Variants in ZNF385D observed in about 807,000 individuals in gnomAD.
ZNF385D encodes zinc finger protein 659.
In ZNF385D, 15 loss-of-function variants were observed where a neutral mutation model predicts 35.8. The observed-to-expected ratio is 0.42, with a 90% CI of 0.28 to 0.64. The LOEUF (loss-of-function observed/expected upper bound fraction) is 0.64, where lower values mean the gene tolerates loss of function less well. ZNF385D is among the 30% of genes least tolerant of loss of function. ZNF385D has a pLI of 0.23. For missense variants in ZNF385D, 474 were observed against 494.6 expected (o/e 0.96, Z 0.39); for synonymous variants, 212 against 186.8 (o/e 1.13, Z -1.10).
At chr3:22,259,830 GT>G (rs1377499239) in intron 2 of ZNF385D, among the ~76,000 whole-genome samples, 1 of 147,094 alleles carries the variant, frequency 6.8e-6, no homozygotes, top group African/African-American at 2.6e-5. Context: ...TGCCAACATA[GT>G]GAGGAAAAAA....
intron 1 of ZNF385D, among the ~76,000 whole-genome samples, chr3:21,742,580 AG>A (rs1380256390): frequency 2.0e-5 from 3 of 152,130 alleles, no homozygotes; most frequent in African/African-American, 7.2e-5. Context: ...GAGCGGCAGA[AG>A]GCAATGGATT....
chr3:21,823,324 A>G (rs562550233), intron 3 of ZNF385D, among the ~76,000 whole-genome samples: 31 of 152,248 alleles, frequency 2.0e-4, no homozygotes, highest in South Asian at 1.0e-3. Flanking sequence ...CCAAATCTTC[A>G]CTATGATAAT....
intron 2 of ZNF385D, among the ~76,000 whole-genome samples, chr3:21,634,362 A>T (rs973829590): frequency 4.1e-5 from 6 of 145,746 alleles, no homozygotes; most frequent in African/African-American, 1.5e-4. Flanking sequence ...AAAAGAAAAA[A>T]AGAAAGGAAG....
chr3:21,648,011 T>G (rs1345451577), intron 2 of ZNF385D, among the ~76,000 whole-genome samples: 1 of 152,190 alleles, frequency 6.6e-6, no homozygotes, highest in Non-Finnish European at 1.5e-5. Context: ...TTTAATCTCA[T>G]TTATGAGGAT....
chr3:21,758,063 T>G (rs1267078480), intron 3 of ZNF385D, among the ~76,000 whole-genome samples: 1 of 152,224 alleles, frequency 6.6e-6, no homozygotes, highest in Non-Finnish European at 1.5e-5. Flanking sequence ...ACTACCTGAA[T>G]CTCAGATACT....
chr3:22,160,252 G>C (rs1361027479), intron 3 of ZNF385D, among the ~76,000 whole-genome samples: 1 of 151,984 alleles, frequency 6.6e-6, no homozygotes, highest in Non-Finnish European at 1.5e-5. Context: ...TATAGATAAG[G>C]TATCATTAAG....
chr3:21,445,306 C>A (rs148483974), intron 4 of ZNF385D, among the ~76,000 whole-genome samples: 1 of 152,168 alleles, frequency 6.6e-6, no homozygotes, highest in Non-Finnish European at 1.5e-5. Flanking sequence ...GTATTAGGGA[C>A]ATGACTAAAC....
intron 2 of ZNF385D, among the ~76,000 whole-genome samples, chr3:21,622,588 G>A (rs1344357166): frequency 1.3e-5 from 2 of 152,094 alleles, no homozygotes; most frequent in African/African-American, 4.8e-5. Flanking sequence ...GTTCTGAGAT[G>A]TTAAAGGCTT....
intron 4 of ZNF385D, among the ~76,000 whole-genome samples, chr3:21,455,564 A>T (rs1030346327): frequency 7.2e-5 from 11 of 152,240 alleles, no homozygotes; most frequent in Non-Finnish European, 8.8e-5. Flanking sequence ...TCCCTTCCTT[A>T]CACCTTTTAC....
intron 2 of ZNF385D, among the ~76,000 whole-genome samples, chr3:21,645,216 A>T (rs1001853669): frequency 6.6e-6 from 1 of 152,212 alleles, no homozygotes. Flanking sequence ...TCAAATTCAC[A>T]CTAATCAGTT....
rs754556902 is a variant in ZNF385D at position 21,437,149 on chromosome 3, T to C, written c.494A>G (p.Lys165Arg). The C allele has an allele frequency of 1.9e-6, 3 of 1,613,850 alleles. No homozygotes were observed. Among genetic ancestry groups the C allele is most frequent in the African/African-American group, 2.7e-5 (2 of 74,908 alleles). The change falls in exon 5 of 8, where the codon AAA becomes AGA. Residue 165 changes from lysine to arginine, a missense_variant. Coordinates refer to ENST00000281523, the MANE Select transcript of ZNF385D (RefSeq NM_024697.3). Reference sequence around the variant, plus strand: ...GATCTCAGTTGTCATAACACTGCTTTTGCGGATTTCCACAGTTGTCGTCGT... The same window carrying C: ...GATCTCAGTTGTCATAACACTGCTTCTGCGGATTTCCACAGTTGTCGTCGT... ...ISTTTTVEIR[K>R]SSVMTTEITS...
chr3:21,624,211 C>G (rs1001625536), intron 2 of ZNF385D, among the ~76,000 whole-genome samples: 1 of 152,020 alleles, frequency 6.6e-6, no homozygotes, highest in Non-Finnish European at 1.5e-5. Context: ...GCCATCACAA[C>G]ACAGTTTTGG....
intron 3 of ZNF385D, among the ~76,000 whole-genome samples, chr3:22,049,142 C>T (rs1354993654): frequency 6.6e-6 from 1 of 151,496 alleles, no homozygotes; most frequent in Non-Finnish European, 1.5e-5. Flanking sequence ...ACTAAAAATA[C>T]AAAAATTAGC....
chr3:22,210,829 A>G (rs2125260184), intron 2 of ZNF385D, among the ~76,000 whole-genome samples: 1 of 151,582 alleles, frequency 6.6e-6, no homozygotes, highest in African/African-American at 2.4e-5. Context: ...GCAGGCCAAA[A>G]TATACTCTAA....
intron 2 of ZNF385D, among the ~76,000 whole-genome samples, chr3:22,273,993 C>T (rs1272428974): frequency 6.6e-6 from 1 of 151,942 alleles, no homozygotes; most frequent in East Asian, 1.9e-4. Flanking sequence ...ATTCTGGTAG[C>T]ATTTGGATAC....
intron 3 of ZNF385D, among the ~76,000 whole-genome samples, chr3:21,914,156 T>C (rs1267544117): frequency 1.3e-5 from 2 of 152,090 alleles, no homozygotes; most frequent in Admixed American, 6.6e-5. Context: ...AAAATGAAGA[T>C]GGCTCCAGAA....
At chr3:21,748,548 CAAAT>C (rs982861236) in intron 1 of ZNF385D, among the ~76,000 whole-genome samples, 1 of 152,150 alleles carries the variant, frequency 6.6e-6, no homozygotes. Flanking sequence ...GCTGGGGACA[CAAAT>C]AAAGGATTTG....
At chr3:22,238,651 C>T (rs915041376) in intron 2 of ZNF385D, among the ~76,000 whole-genome samples, 3 of 150,814 alleles carry the variant, frequency 2.0e-5, no homozygotes, top group South Asian at 2.2e-4. Flanking sequence ...TTCAATCTTA[C>T]AGAACTCATT....
At chr3:22,152,307 G>A (rs1311933372) in intron 3 of ZNF385D, among the ~76,000 whole-genome samples, 1 of 152,138 alleles carries the variant, frequency 6.6e-6, no homozygotes, top group Admixed American at 6.6e-5. Flanking sequence ...GCATGGGAGG[G>A]TGAGTACTTG....
Sources: allele counts gnomAD v4.1 joint callset (sites outside exome capture counted in the v4.1 genomes callset), GRCh38; gene constraint gnomAD v4.1.1; transcripts MANE v1.5; gene names NCBI Gene and HGNC (gene_info 2026-07-23, HGNC 2026-07-21).